Variants in PHACTR1 observed in about 807,000 individuals in gnomAD.
PHACTR1 encodes the protein RPEL repeat containing 1.
A neutral mutation model predicts 69.2 loss-of-function variants in PHACTR1; 16 were observed. That is an observed-to-expected ratio of 0.23 (90% CI 0.16 to 0.35). The LOEUF (loss-of-function observed/expected upper bound fraction) is 0.35. Ranked by LOEUF, PHACTR1 falls within the 10% of genes least tolerant of loss-of-function variation. The pLI, the probability that PHACTR1 is intolerant of heterozygous loss-of-function variation, is 1.00. For synonymous variants in PHACTR1, 312 were observed against 284.5 expected, an observed-to-expected ratio of 1.10 and a Z score of -0.97; for missense variants, 510 against 734.7, an observed-to-expected ratio of 0.69 and a Z score of 3.54.
chr6:12,767,884 C>T (rs933992320), intron 4 of PHACTR1, among the ~76,000 whole-genome samples: 23 of 152,110 alleles, frequency 1.5e-4, no homozygotes, highest in South Asian at 2.1e-4. Context: ...GCATATTCTA[C>T]CTGAACAAGT....
chr6:13,048,426 G>C (rs531408397), intron 4 of PHACTR1, among the ~76,000 whole-genome samples: 1 of 152,124 alleles, frequency 6.6e-6, no homozygotes, highest in South Asian at 2.1e-4. Flanking sequence ...GGCAGGCCAC[G>C]CCCTGCTCTC....
At chr6:12,885,621 T>C (rs1163872275) in intron 4 of PHACTR1, among the ~76,000 whole-genome samples, 1 of 152,234 alleles carries the variant, frequency 6.6e-6, no homozygotes, top group Admixed American at 6.5e-5. Flanking sequence ...ACCAGAAGGA[T>C]TATAGTTTGA....
chr6:12,915,002 C>T (rs894808028), intron 4 of PHACTR1, among the ~76,000 whole-genome samples: 3 of 152,194 alleles, frequency 2.0e-5, no homozygotes, highest in Admixed American at 2.0e-4. Context: ...GGTTGATGGG[C>T]AGTTCACAAG....
chr6:13,119,225 CCAAA>C (rs1321330989), intron 5 of PHACTR1, among the ~76,000 whole-genome samples: 10 of 152,248 alleles, frequency 6.6e-5, no homozygotes, highest in Middle Eastern at 3.4e-3. Flanking sequence ...AGAACAATAC[CCAAA>C]CAGAGACTAG....
rs561292464 is a variant in PHACTR1 at position 12,762,973 on chromosome 6, G to A, written c.250+13183G>A. On this transcript the variant is annotated intron_variant, in intron 4 of 14. Coordinates refer to ENST00000332995, the MANE Select transcript of PHACTR1 (RefSeq NM_030948.6). ...TCACGCCTGGAATCCCAGCACTTTGGAAGACTGAGGTGGGTGGATCACCTG... is the reference window on the plus strand; with the variant it reads ...TCACGCCTGGAATCCCAGCACTTTGAAAGACTGAGGTGGGTGGATCACCTG... Among the ~76,000 whole-genome samples the A allele has an allele frequency of 2.6e-5, 4 of 152,280 alleles. No individual in the cohort carries two copies. In the East Asian group the frequency reaches 7.7e-4, roughly 29 times the overall value.
intron 4 of PHACTR1, among the ~76,000 whole-genome samples, chr6:12,769,832 T>C (rs1769152977): frequency 1.3e-5 from 2 of 152,208 alleles, no homozygotes; most frequent in Non-Finnish European, 2.9e-5. Flanking sequence ...GATAGATCTG[T>C]GTACAGGCTC....
chr6:12,777,836 T>G (rs998942324), intron 4 of PHACTR1, among the ~76,000 whole-genome samples: 2 of 152,178 alleles, frequency 1.3e-5, no homozygotes, highest in African/African-American at 4.8e-5. Context: ...TTCGCCATGT[T>G]GGTCAGGCTG....
intron 5 of PHACTR1, among the ~76,000 whole-genome samples, chr6:13,075,596 A>G (rs1405222751): frequency 6.6e-6 from 1 of 152,200 alleles, no homozygotes; most frequent in East Asian, 1.9e-4. Flanking sequence ...TTTCATCTGA[A>G]GACAACGAGT....
chr6:12,835,417 G>A (rs1020965908), intron 4 of PHACTR1, among the ~76,000 whole-genome samples: 11 of 152,036 alleles, frequency 7.2e-5, no homozygotes, highest in African/African-American at 2.7e-4. Flanking sequence ...AGGCCTGAAG[G>A]ATTTGACCTT....
intron 4 of PHACTR1, among the ~76,000 whole-genome samples, chr6:12,781,366 C>T (rs1213806950): frequency 6.6e-6 from 1 of 152,208 alleles, no homozygotes; most frequent in Non-Finnish European, 1.5e-5. Context: ...CTACTAAATA[C>T]TCGTTCCACC....
chr6:12,914,746 T>C (rs574704671), intron 4 of PHACTR1, among the ~76,000 whole-genome samples: 4 of 152,142 alleles, frequency 2.6e-5, no homozygotes, highest in Admixed American at 2.6e-4. Context: ...AAAAAAATCA[T>C]TAAACTATGA....
chr6:13,266,654 G>C (rs922510968), intron 10 of PHACTR1: 2 of 152,650 alleles, frequency 1.3e-5, no homozygotes, highest in African/African-American at 4.8e-5. Flanking sequence ...GTGGAAAACA[G>C]AGGGAAAGCA....
At chr6:13,272,578 C>G (rs1777971153) in intron 10 of PHACTR1, 3 of 737,228 alleles carry the variant, frequency 4.1e-6, no homozygotes, top group Non-Finnish European at 6.2e-6. Context: ...GTCTGAGTTG[C>G]AGTCCACTTG....
intron 4 of PHACTR1, among the ~76,000 whole-genome samples, chr6:12,822,740 G>T (rs1776362829): frequency 6.6e-6 from 1 of 152,146 alleles, no homozygotes; most frequent in African/African-American, 2.4e-5. Context: ...CTTCTAGCCA[G>T]AAGCAGCCCA....
intron 10 of PHACTR1, among the ~76,000 whole-genome samples, chr6:13,231,101 AAAAGAAAGAAGGAAAGAGAG>A (rs1273454837): frequency 4.3e-5 from 3 of 70,488 alleles, no homozygotes; most frequent in South Asian, 4.3e-4. Context: ...GAAGGAAGGG[AAAAGAAAGAAGGAAAGAGAG>A]AAAGAAAGAA....
chr6:13,204,703 A>G (rs1006844801), intron 7 of PHACTR1, among the ~76,000 whole-genome samples: 8 of 152,180 alleles, frequency 5.3e-5, no homozygotes, highest in Non-Finnish European at 1.2e-4. Context: ...GAGTGGGCCC[A>G]CCAGTCCAGC....
At chr6:12,718,652 T>A in intron 2 of PHACTR1, 47 bp from the exon 3 acceptor site, 1 of 561,938 alleles carries the variant, frequency 1.8e-6, no homozygotes. Flanking sequence ...ATATACACTT[T>A]ATACTTGACG....
chr6:13,013,921 G>A (rs1300027691), intron 4 of PHACTR1, among the ~76,000 whole-genome samples: 1 of 150,650 alleles, frequency 6.6e-6, no homozygotes, highest in African/African-American at 2.4e-5. Context: ...AAGCCGGGGA[G>A]GTTTGCGCTC....
chr6:12,924,766 C>A (rs992780471), intron 4 of PHACTR1, among the ~76,000 whole-genome samples: 4 of 141,172 alleles, frequency 2.8e-5, no homozygotes, highest in African/African-American at 1.0e-4. Flanking sequence ...CAGAGCGAGA[C>A]TCTGTCCCGG....
Sources: gnomAD v4.1 joint callset for allele counts (sites outside exome capture counted in the v4.1 genomes callset) on GRCh38, gnomAD v4.1.1 for gene constraint, MANE v1.5 for transcripts, NCBI Gene and HGNC (gene_info 2026-07-23, HGNC 2026-07-21) for gene names.